TRDN: variants seen among roughly 807,000 people sequenced by gnomAD.
TRDN encodes the protein triadin in skeletal muscle.
A neutral mutation model predicts 149.7 loss-of-function variants in TRDN; 161 were observed. The observed-to-expected ratio is 1.08, with a 90% CI of 0.95 to 1.23. The LOEUF (loss-of-function observed/expected upper bound fraction) is 1.23, where lower values mean the gene tolerates loss of function less well. TRDN is among the 50% of genes most tolerant of loss of function. The pLI is 0.00. For missense variants in TRDN, 896 were observed against 823.5 expected (o/e 1.09, Z -1.08); for synonymous variants, 294 against 250.5 (o/e 1.17, Z -1.64).
intron 24 of TRDN, among the ~76,000 whole-genome samples, chr6:123,314,711 G>A (rs1032995695): frequency 2.6e-5 from 4 of 151,918 alleles, no homozygotes; most frequent in Non-Finnish European, 5.9e-5. Flanking sequence ...GATGGAACAA[G>A]GGCCATTATC....
At chr6:123,277,657 A>T (rs1777420969) in intron 26 of TRDN, among the ~76,000 whole-genome samples, 1 of 152,132 alleles carries the variant, frequency 6.6e-6, no homozygotes, top group African/African-American at 2.4e-5. Flanking sequence ...AACACCAAGG[A>T]TTGCTGGAAA....
chr6:123,282,732 G>T (rs1286262243), intron 24 of TRDN, among the ~76,000 whole-genome samples: 1 of 146,964 alleles, frequency 6.8e-6, no homozygotes, highest in African/African-American at 2.5e-5. Context: ...TGCTCTATTA[G>T]ATCAAATGAG....
intron 13 of TRDN, 55 bp from the exon 14 acceptor site, chr6:123,388,606 T>G: frequency 6.5e-7 from 1 of 1,546,182 alleles, no homozygotes; most frequent in South Asian, 1.2e-5. Context: ...CTCAGAATAC[T>G]CCCCAGAATA....
Position 123,352,706 on chromosome 6 carries a change from G to A in TRDN, c.1322-120C>T, listed in dbSNP as rs1367303764. 3 of 1,329,412 alleles carry A rather than the reference G, an allele frequency of 2.3e-6. No homozygotes were observed. In the East Asian group the frequency reaches 7.7e-5, roughly 34 times the overall value. The allele number at this position is 1,329,412 out of a possible 1,614,324, so 82.4% of individuals were successfully genotyped here. Reference sequence around the variant, plus strand: ...TTTCTTTTACACAAGTTATTTTGAAGCTTCTTAAACATTTCTCATTTCTCT... The same window carrying A: ...TTTCTTTTACACAAGTTATTTTGAAACTTCTTAAACATTTCTCATTTCTCT... On this transcript the variant is annotated intron_variant, in intron 20 of 40. Coordinates refer to ENST00000334268, the MANE Select transcript of TRDN (RefSeq NM_006073.4).
intron 9 of TRDN, among the ~76,000 whole-genome samples, chr6:123,466,266 G>C (rs751364225): frequency 2.6e-5 from 4 of 152,138 alleles, no homozygotes. Flanking sequence ...TAAAAAGAAG[G>C]TTGATCCACA....
intron 32 of TRDN, among the ~76,000 whole-genome samples, chr6:123,265,841 G>A (rs904498849): frequency 2.1e-5 from 3 of 146,098 alleles, no homozygotes; most frequent in African/African-American, 7.5e-5. Flanking sequence ...GAATGAATGG[G>A]TGGTAGGTAA....
At chr6:123,346,846 G>A (rs545954082) in intron 21 of TRDN, among the ~76,000 whole-genome samples, 2 of 152,090 alleles carry the variant, frequency 1.3e-5, no homozygotes, top group Admixed American at 6.6e-5. Flanking sequence ...AAAGGGCTCA[G>A]AACTCTGGGT....
chr6:123,528,732 G>A, intron 5 of TRDN: 1 of 986,826 alleles, frequency 1.0e-6, no homozygotes, highest in Non-Finnish European at 1.2e-6. Flanking sequence ...TAAAGAGCAG[G>A]CATTAGTCTA....
At chr6:123,472,774 G>A (rs1777247626) in intron 9 of TRDN, among the ~76,000 whole-genome samples, 1 of 152,162 alleles carries the variant, frequency 6.6e-6, no homozygotes, top group South Asian at 2.1e-4. Flanking sequence ...TTCTCAAGTG[G>A]GTCCCTGACC....
chr6:123,528,422 C>G (rs1208233607), intron 5 of TRDN, among the ~76,000 whole-genome samples: 1 of 151,894 alleles, frequency 6.6e-6, no homozygotes, highest in Non-Finnish European at 1.5e-5. Context: ...TGTGATCTAG[C>G]TTCCACCATA....
At chr6:123,281,886 A>G (rs560492862) in intron 24 of TRDN, among the ~76,000 whole-genome samples, 20 of 152,012 alleles carry the variant, frequency 1.3e-4, no homozygotes, top group Non-Finnish European at 2.2e-4. Context: ...CTATCTATCC[A>G]TTAGAAGCTG....
intron 20 of TRDN, among the ~76,000 whole-genome samples, chr6:123,357,107 A>G (rs937234942): frequency 6.6e-6 from 1 of 151,950 alleles, no homozygotes; most frequent in African/African-American, 2.4e-5. Flanking sequence ...AAAAGCATAT[A>G]AATTTTATCA....
At chr6:123,467,563 T>C (rs1776904318) in intron 9 of TRDN, among the ~76,000 whole-genome samples, 2 of 152,028 alleles carry the variant, frequency 1.3e-5, no homozygotes, top group South Asian at 2.1e-4. Context: ...AGAAGCCAGC[T>C]GGCTGCCTGT....
chr6:123,359,390 C>T (rs1780812434), intron 20 of TRDN, among the ~76,000 whole-genome samples: 1 of 152,098 alleles, frequency 6.6e-6, no homozygotes, highest in Non-Finnish European at 1.5e-5. Context: ...GGATTTTTAT[C>T]TTATGGAAAA....
intron 1 of TRDN, among the ~76,000 whole-genome samples, chr6:123,581,629 T>C (rs758609620): frequency 4.6e-5 from 7 of 152,178 alleles, no homozygotes; most frequent in Non-Finnish European, 8.8e-5. Flanking sequence ...AACATTTTCA[T>C]GATATGAGAA....
chr6:123,425,917 T>C (rs1298149742), intron 12 of TRDN, among the ~76,000 whole-genome samples: 1 of 152,004 alleles, frequency 6.6e-6, no homozygotes, highest in Non-Finnish European at 1.5e-5. Flanking sequence ...ATCATCTATC[T>C]ACACACACAC....
At chr6:123,625,166 G>A (rs1297651880) in intron 1 of TRDN, among the ~76,000 whole-genome samples, 1 of 151,082 alleles carries the variant, frequency 6.6e-6, no homozygotes, top group Non-Finnish European at 1.5e-5. Flanking sequence ...CATGTGCACT[G>A]CGAATTACCA....
At position 123,522,698 on chromosome 6, in the gene TRDN, T is replaced by C. The variant is rs201107850; in HGVS notation, c.485-6492A>G. Among the ~76,000 whole-genome samples, 8 of 152,232 alleles carry C rather than the reference T, an allele frequency of 5.3e-5. No homozygotes were observed. The East Asian group carries it at 1.4e-3, about 26-fold the overall frequency. ...TTTGACTTAAATTACAGTGGCTTAA[T>C]TAAAGCTAAATGGAAAGTTGTCTGT... On this transcript the variant is annotated intron_variant, in intron 5 of 40. Transcript: ENST00000334268.
intron 23 of TRDN, among the ~76,000 whole-genome samples, chr6:123,328,349 G>T (rs192264285): frequency 6.6e-6 from 1 of 152,166 alleles, no homozygotes. Context: ...GGCAGAGGCC[G>T]CCCCAAATGA....
Sources: gnomAD v4.1 joint callset for allele counts (sites outside exome capture counted in the v4.1 genomes callset) on GRCh38, gnomAD v4.1.1 for gene constraint, MANE v1.5 for transcripts, NCBI Gene and HGNC (gene_info 2026-07-23, HGNC 2026-07-21) for gene names.